The following WWOX variants were observed in gnomAD, a reference collection of about 807,000 sequenced individuals.
The protein encoded by WWOX is WW domain containing oxidoreductase.
WWOX carries 69 observed loss-of-function variants against 46.2 expected under a neutral mutation model. The observed-to-expected ratio is 1.49, with a 90% CI of 1.23 to 1.82. WWOX has a LOEUF of 1.82. WWOX is among the 40% of genes most tolerant of loss of function. The pLI is 0.00. For synonymous variants in WWOX, 359 were observed against 202.6 expected (o/e 1.77, Z -6.56); for missense variants, 919 against 542.6 (o/e 1.69, Z -6.89).
At chr16:78,504,471 A>G (rs1207271308) in intron 8 of WWOX, among the ~76,000 whole-genome samples, 2 of 152,236 alleles carry the variant, frequency 1.3e-5, no homozygotes, top group Non-Finnish European at 2.9e-5. Context: ...CAAATTGTCC[A>G]GGGTTTCCAC....
At chr16:78,676,694 C>T (rs1434861100) in intron 8 of WWOX, among the ~76,000 whole-genome samples, 2 of 152,122 alleles carry the variant, frequency 1.3e-5, no homozygotes, top group Admixed American at 6.6e-5. Flanking sequence ...TTTATTGCTG[C>T]AGGGAATAAA....
chr16:78,653,510 G>A (rs542537771), intron 8 of WWOX, among the ~76,000 whole-genome samples: 1 of 152,346 alleles, frequency 6.6e-6, no homozygotes, highest in African/African-American at 2.4e-5. Context: ...TATGGAGGGT[G>A]CTTATGAGGA....
At chr16:79,212,663 TATC>T (rs1480366982) in exon 9 of WWOX, 1 of 152,462 alleles carries the variant, frequency 6.6e-6, no homozygotes, top group East Asian at 1.9e-4. Flanking sequence ...CATGCTTGAA[TATC>T]ATCACCTGAA....
chr16:78,389,486 A>G (rs544421379), intron 6 of WWOX, among the ~76,000 whole-genome samples: 1 of 152,312 alleles, frequency 6.6e-6, no homozygotes, highest in South Asian at 2.1e-4. Context: ...GATAATGACA[A>G]GAACAGCAGC....
chr16:78,319,223 C>T (rs991191178), intron 5 of WWOX, among the ~76,000 whole-genome samples: 3 of 151,982 alleles, frequency 2.0e-5, no homozygotes, highest in African/African-American at 7.2e-5. Context: ...GTGGAAAAGG[C>T]AATGAGATGG....
At chr16:78,747,956 C>A (rs1276887196) in intron 8 of WWOX, among the ~76,000 whole-genome samples, 1 of 152,180 alleles carries the variant, frequency 6.6e-6, no homozygotes, top group African/African-American at 2.4e-5. Context: ...CCGAAATAAC[C>A]ATGCTTCTTA....
intron 8 of WWOX, among the ~76,000 whole-genome samples, chr16:79,103,718 C>G (rs1450213899): frequency 2.6e-5 from 4 of 152,016 alleles, no homozygotes; most frequent in East Asian, 3.9e-4. Flanking sequence ...ATTATTAATC[C>G]TAGATATGTT....
chr16:78,884,335 C>G (rs2044408109), intron 8 of WWOX, among the ~76,000 whole-genome samples: 1 of 149,116 alleles, frequency 6.7e-6, no homozygotes, highest in African/African-American at 2.5e-5. Flanking sequence ...AAAATGTGCT[C>G]ATACATTTGC....
At chr16:78,661,993 G>C (rs940831115) in intron 8 of WWOX, among the ~76,000 whole-genome samples, 2 of 152,170 alleles carry the variant, frequency 1.3e-5, no homozygotes, top group Admixed American at 1.3e-4. Context: ...GCAATGAACC[G>C]AGATTGTGCC....
chr16:79,029,058 G>C (rs2047701973), intron 8 of WWOX, among the ~76,000 whole-genome samples: 1 of 148,970 alleles, frequency 6.7e-6, no homozygotes, highest in Admixed American at 6.6e-5. Context: ...TGATTATCCT[G>C]GAAACATGTT....
chr16:78,251,709 T>A lies in WWOX; in HGVS notation c.516+87420T>A, dbSNP rs561520927. 2.6e-5 allele frequency among the ~76,000 whole-genome samples: 4 copies of A among 152,314 alleles called. No individual in the cohort carries two copies. In the South Asian group the frequency reaches 8.3e-4, roughly 32 times the overall value. Reference sequence around the variant, plus strand: ...TGGTGTCCTTGGCCACTTCCTTGCTTGTTACCTTGTCCAACAGCTGATTGG... The same window carrying A: ...TGGTGTCCTTGGCCACTTCCTTGCTAGTTACCTTGTCCAACAGCTGATTGG... On this transcript the variant is annotated intron_variant, in intron 5 of 8. Transcript: ENST00000566780.
rs145053887 is a variant in WWOX, at chr16:78,225,083, G to A, written c.516+60794G>A. Reference sequence around the variant, plus strand: ...GATACATTCTGAAAAATGTATTGTCGGAATTCTGTCATTGCATGAAGATCA... The same window carrying A: ...GATACATTCTGAAAAATGTATTGTCAGAATTCTGTCATTGCATGAAGATCA... On this transcript the variant is annotated intron_variant, in intron 5 of 8. Transcript: ENST00000566780. Among the ~76,000 whole-genome samples, 43 of 152,164 alleles carry A rather than the reference G, an allele frequency of 2.8e-4. No individual in the cohort carries two copies. The East Asian group carries it at 4.8e-3, about 17-fold the overall frequency.
At chr16:78,928,516 G>C (rs896149737) in intron 8 of WWOX, among the ~76,000 whole-genome samples, 1 of 152,044 alleles carries the variant, frequency 6.6e-6, no homozygotes, top group African/African-American at 2.4e-5. Flanking sequence ...TTTTCTTGTT[G>C]TGAATATTTT....
chr16:78,723,439 C>G (rs2048740409), intron 8 of WWOX, among the ~76,000 whole-genome samples: 1 of 141,006 alleles, frequency 7.1e-6, no homozygotes, highest in South Asian at 2.3e-4. Context: ...TATAAATGAA[C>G]TGAAGCCACA....
intron 8 of WWOX, among the ~76,000 whole-genome samples, chr16:79,126,341 A>G (rs1161345239): frequency 6.6e-6 from 1 of 152,184 alleles, no homozygotes; most frequent in African/African-American, 2.4e-5. Context: ...GTCCCAACTC[A>G]AATGTCATCT....
intron 8 of WWOX, among the ~76,000 whole-genome samples, chr16:79,124,228 C>T (rs2049701693): frequency 6.6e-6 from 1 of 152,048 alleles, no homozygotes; most frequent in Non-Finnish European, 1.5e-5. Context: ...TAGAGCGTGC[C>T]CCCTGCCCCA....
intron 5 of WWOX, among the ~76,000 whole-genome samples, chr16:78,363,146 TTG>T (rs60731117): frequency 6.6e-5 from 10 of 150,672 alleles, no homozygotes; most frequent in Admixed American, 1.3e-4. Context: ...GTGTATGTGT[TTG>T]TGTGTGTGTG....
At chr16:78,914,042 A>G (rs575099033) in intron 8 of WWOX, among the ~76,000 whole-genome samples, 7 of 152,196 alleles carry the variant, frequency 4.6e-5, no homozygotes, top group African/African-American at 1.4e-4. Flanking sequence ...AGAGATGAAA[A>G]TGAGATTTGA....
chr16:79,122,481 C>T lies in WWOX; in HGVS notation c.1057-89127C>T, dbSNP rs142267741. 5.3e-3 allele frequency among the ~76,000 whole-genome samples: 805 copies of T among 152,094 alleles called. 5 individuals are homozygous for T. Among genetic ancestry groups the T allele is most frequent in the African/African-American group, 0.018 (761 of 41,476 alleles). ...CTTCTTTTTCTGTTTCTTTCCTTCT[C>T]TTGCTATTTCCTTTCTTTCTTTTTC... On this transcript the variant is annotated intron_variant, in intron 8 of 8. Transcript: ENST00000566780.
Sources: allele counts gnomAD v4.1 joint callset (sites outside exome capture counted in the v4.1 genomes callset), GRCh38; gene constraint gnomAD v4.1.1; transcripts MANE v1.5; gene names NCBI Gene and HGNC (gene_info 2026-07-23, HGNC 2026-07-21).